Variants in LDLRAD3 observed in about 807,000 individuals in gnomAD.
The protein encoded by LDLRAD3 is low density lipoprotein receptor class A domain containing 3.
Under a neutral mutation model 29.4 loss-of-function variants are expected in LDLRAD3, and 20 were observed. The observed-to-expected ratio is 0.68, with a 90% CI of 0.48 to 0.99. The LOEUF is 0.99. Ranked by LOEUF, LDLRAD3 falls within the 50% of genes least tolerant of loss-of-function variation. LDLRAD3 has a pLI of 0.00. For missense variants in LDLRAD3, 420 were observed against 454.3 expected, an observed-to-expected ratio of 0.92 and a Z score of 0.69; for synonymous variants, 157 against 192.7, an observed-to-expected ratio of 0.81 and a Z score of 1.53.
At chr11:36,133,207 C>CTTTTTTTTTTTTTTTTTTTT (rs60402803) in intron 4 of LDLRAD3, among the ~76,000 whole-genome samples, 2 of 146,536 alleles carry the variant, frequency 1.4e-5, no homozygotes. Context: ...TTTCTTTTTT[C>CTTTTTTTTTTTTTTTTTTTT]TTTTTTTTAG....
At chr11:36,050,908 C>G (rs1404537848) in intron 2 of LDLRAD3, among the ~76,000 whole-genome samples, 1 of 152,126 alleles carries the variant, frequency 6.6e-6, no homozygotes, top group Non-Finnish European at 1.5e-5. Context: ...TGTGGACAGC[C>G]GTCTTCTCAC....
intron 1 of LDLRAD3, among the ~76,000 whole-genome samples, chr11:36,011,519 T>C (rs7947746): frequency 0.41 from 61,981 of 151,966 alleles, 12,698 homozygotes; most frequent in South Asian, 0.54. Flanking sequence ...CCTTCAACAC[T>C]TCAGATGTAT....
At chr11:36,226,403 C>T (rs1157982214) in intron 4 of LDLRAD3, among the ~76,000 whole-genome samples, 1 of 152,130 alleles carries the variant, frequency 6.6e-6, no homozygotes, top group African/African-American at 2.4e-5. Context: ...GTATGAGGAC[C>T]CCAGAGGTAC....
intron 1 of LDLRAD3, chr11:36,001,025 T>G (rs1851817181): frequency 6.6e-6 from 1 of 152,146 alleles, no homozygotes; most frequent in Non-Finnish European, 1.5e-5. Context: ...GTGGTAGAAC[T>G]GGTTTACCCA....
intron 4 of LDLRAD3, among the ~76,000 whole-genome samples, chr11:36,191,576 C>CTCTATATATATA (rs377747518): frequency 1.9e-4 from 10 of 53,430 alleles, no homozygotes; most frequent in African/African-American, 2.5e-4. Context: ...CTCTCTCTCT[C>CTCTATATATATA]TATATATATA....
chr11:36,066,480 C>T (rs1461944644), intron 2 of LDLRAD3, among the ~76,000 whole-genome samples: 2 of 152,142 alleles, frequency 1.3e-5, no homozygotes, highest in Admixed American at 1.3e-4. Flanking sequence ...ATCTTAGTTT[C>T]CTGCTTATAA....
In LDLRAD3 at chr11:36,043,882, A is replaced by G. The variant is rs142742773; in HGVS notation, c.193+7633A>G. Among the ~76,000 whole-genome samples, 886 of 152,290 alleles carry G rather than the reference A, an allele frequency of 5.8e-3. 7 individuals are homozygous for G. Among genetic ancestry groups the G allele is most frequent in the African/African-American group, 0.02 (846 of 41,548 alleles). On this transcript the variant is annotated intron_variant, in intron 2 of 5. Coordinates refer to ENST00000315571, the MANE Select transcript of LDLRAD3 (RefSeq NM_174902.4). ...TCGTGGTTTAAAGCTCTGTCCATTA[A>G]ACACTTCAGAATGAAAAGACATGCT...
intron 1 of LDLRAD3, among the ~76,000 whole-genome samples, chr11:35,948,112 T>C (rs1481799806): frequency 9.2e-5 from 14 of 152,152 alleles, no homozygotes; most frequent in Admixed American, 9.2e-4. Context: ...TTGACCCGAA[T>C]TGTAGTTACA....
At chr11:35,981,687 A>G (rs1442221577) in intron 1 of LDLRAD3, among the ~76,000 whole-genome samples, 1 of 152,136 alleles carries the variant, frequency 6.6e-6, no homozygotes, top group Admixed American at 6.5e-5. Flanking sequence ...CAGTTTGCCA[A>G]AGTCGCATTG....
At chr11:36,165,014 G>A (rs1348112547) in intron 4 of LDLRAD3, among the ~76,000 whole-genome samples, 1 of 152,100 alleles carries the variant, frequency 6.6e-6, no homozygotes, top group African/African-American at 2.4e-5. Flanking sequence ...ATAGAACAGG[G>A]AAAATTTTAC....
At position 36,068,990 on chromosome 11, in the gene LDLRAD3, C is replaced by T. The variant is rs563843674; in HGVS notation, c.194-12663C>T. Reference sequence around the variant, plus strand: ...CTTTCTGTATTTATATTCCAGTTAGCGTATGGTCTGTTGCTCTTTCACTCC... The same window carrying T: ...CTTTCTGTATTTATATTCCAGTTAGTGTATGGTCTGTTGCTCTTTCACTCC... On this transcript the variant is annotated intron_variant, in intron 2 of 5. Coordinates refer to ENST00000315571, the MANE Select transcript of LDLRAD3 (RefSeq NM_174902.4). Among the ~76,000 whole-genome samples the T allele has an allele frequency of 1.1e-4, 17 of 152,288 alleles. No individual in the cohort carries two copies. In the South Asian group the frequency reaches 2.3e-3, roughly 20 times the overall value.
chr11:36,185,588 G>T (rs1590339492), intron 4 of LDLRAD3, among the ~76,000 whole-genome samples: 1 of 150,050 alleles, frequency 6.7e-6, no homozygotes, highest in African/African-American at 2.5e-5. Flanking sequence ...TGAAAAGTGG[G>T]GAGATAGCCT....
chr11:36,002,850 T>A (rs1851841089), intron 1 of LDLRAD3, among the ~76,000 whole-genome samples: 1 of 152,254 alleles, frequency 6.6e-6, no homozygotes, highest in East Asian at 1.9e-4. Flanking sequence ...TAAGGTGGCA[T>A]TTATGCCATA....
At chr11:35,953,109 C>T (rs764338003) in intron 1 of LDLRAD3, among the ~76,000 whole-genome samples, 3 of 152,180 alleles carry the variant, frequency 2.0e-5, no homozygotes, top group Admixed American at 6.5e-5. Context: ...GACCTGAGAA[C>T]CGGACTCTCC....
chr11:36,076,363 G>T (rs1329655359), intron 2 of LDLRAD3, among the ~76,000 whole-genome samples: 2 of 151,442 alleles, frequency 1.3e-5, no homozygotes, highest in African/African-American at 4.9e-5. Context: ...ATGAACCAAA[G>T]CCTCAGGATT....
chr11:35,950,008 T>G (rs962027387), intron 1 of LDLRAD3, among the ~76,000 whole-genome samples: 1 of 152,248 alleles, frequency 6.6e-6, no homozygotes, highest in African/African-American at 2.4e-5. Context: ...ATTTGGTTGT[T>G]CGTCATTGTG....
intron 1 of LDLRAD3, among the ~76,000 whole-genome samples, chr11:36,022,653 A>G (rs1192046129): frequency 6.6e-6 from 1 of 152,160 alleles, no homozygotes; most frequent in African/African-American, 2.4e-5. Context: ...AGTAATGGTA[A>G]TAGAATTCAG....
At chr11:36,129,560 G>A (rs191099645) in intron 4 of LDLRAD3, among the ~76,000 whole-genome samples, 1 of 152,270 alleles carries the variant, frequency 6.6e-6, no homozygotes, top group East Asian at 1.9e-4. Flanking sequence ...TTTATAAATC[G>A]TCCTTTGTGC....
rs78767844 is a variant in LDLRAD3, at chr11:35,992,222, C to T, written c.47-43881C>T. 2.6e-5 allele frequency among the ~76,000 whole-genome samples: 4 copies of T among 152,178 alleles called. No homozygotes were observed. The East Asian group carries it at 7.7e-4, about 29-fold the overall frequency. On this transcript the variant is annotated intron_variant, in intron 1 of 5. Coordinates refer to ENST00000315571, the MANE Select transcript of LDLRAD3 (RefSeq NM_174902.4). Reference sequence around the variant, plus strand: ...GGTGGCTGCATGAACAAGAATGCAACCTTGATTTTATGGTCTTTATTTCGT... The same window carrying T: ...GGTGGCTGCATGAACAAGAATGCAATCTTGATTTTATGGTCTTTATTTCGT...
Sources: allele counts gnomAD v4.1 joint callset (sites outside exome capture counted in the v4.1 genomes callset), GRCh38; gene constraint gnomAD v4.1.1; transcripts MANE v1.5; gene names NCBI Gene and HGNC (gene_info 2026-07-23, HGNC 2026-07-21).